HMOX2: variants seen among roughly 807,000 people sequenced by gnomAD.
HMOX2 encodes the protein heme oxygenase 2.
In HMOX2, 30 loss-of-function variants were observed where a neutral mutation model predicts 33.7. That is an observed-to-expected ratio of 0.89 (90% CI 0.67 to 1.21). HMOX2 has a LOEUF of 1.21. HMOX2 is among the 50% of genes most tolerant of loss of function. The pLI is 0.00. For missense variants in HMOX2, 403 were observed against 399.1 expected (o/e 1.01, Z -0.08); for synonymous variants, 155 against 155.0 (o/e 1.00, Z 0.00).
intron 1 of HMOX2, among the ~76,000 whole-genome samples, chr16:4,485,068 C>T (rs970392885): frequency 1.5e-4 from 23 of 151,116 alleles, no homozygotes; most frequent in East Asian, 4.0e-4. Context: ...TGGGTTCAAG[C>T]GATTCTCTTG....
intron 1 of HMOX2, among the ~76,000 whole-genome samples, chr16:4,501,605 CT>C (rs1031665633): frequency 3.9e-5 from 6 of 151,914 alleles, no homozygotes; most frequent in African/African-American, 1.5e-4. Context: ...CATGTAGCTT[CT>C]TGTGGATATT....
Position 4,506,894 on chromosome 16 carries a change from G to A in HMOX2, c.87-1G>A. ...CACAAACACCTCCCATCTCTCCACA[G>A]AATGGCTGACCTCTCGGAGCTCCTG... On this transcript the variant is annotated splice_acceptor_variant, in intron 2 of 5. Transcript: ENST00000570646. LOFTEE classifies it high-confidence loss of function. 6.2e-7 allele frequency: 1 copy of A among 1,609,662 alleles called. No individual in the cohort carries two copies. The highest frequency in any genetic ancestry group is 8.5e-7 in the Non-Finnish European group (1 of 1,175,964).
intron 1 of HMOX2, among the ~76,000 whole-genome samples, chr16:4,493,688 T>C (rs887922139): frequency 1.3e-5 from 2 of 152,188 alleles, no homozygotes; most frequent in African/African-American, 2.4e-5. Flanking sequence ...GTTGGGTGCC[T>C]ACTATGGCTC....
At chr16:4,489,098 T>TAAAAAAAAAAC (rs2058245748) in intron 1 of HMOX2, among the ~76,000 whole-genome samples, 1 of 152,170 alleles carries the variant, frequency 6.6e-6, no homozygotes, top group Non-Finnish European at 1.5e-5. Flanking sequence ...ATGCTACCAA[T>TAAAAAAAAAAC]CAGGCTTTCA....
intron 1 of HMOX2, among the ~76,000 whole-genome samples, chr16:4,490,902 T>C (rs2058289233): frequency 6.6e-6 from 1 of 152,158 alleles, no homozygotes; most frequent in South Asian, 2.1e-4. Flanking sequence ...CTAGATTGTT[T>C]GTGGTGGTGG....
At chr16:4,508,322 C>T (rs533743252) in intron 4 of HMOX2, 118 bp downstream of exon 4, 379 of 1,236,562 alleles carry the variant, frequency 3.1e-4, no homozygotes, top group Non-Finnish European at 2.9e-4. Context: ...TGCAGGGTGC[C>T]GAGAGGAAGG....
intron 1 of HMOX2, among the ~76,000 whole-genome samples, chr16:4,480,070 C>T (rs758480938): frequency 5.4e-5 from 8 of 147,698 alleles, no homozygotes; most frequent in Admixed American, 4.1e-4. Flanking sequence ...TTTTTTGAAA[C>T]AGAGTCTGGC....
At position 4,509,519 on chromosome 16, in the gene HMOX2, C is replaced by A. The variant is rs142512604; in HGVS notation, c.804C>A (p.Tyr268Ter). 12 of 1,614,016 alleles carry A rather than the reference C, an allele frequency of 7.4e-6. 1 individual carries two copies. Among genetic ancestry groups the A allele is most frequent in the Middle Eastern group, 1.6e-4 (1 of 6,084 alleles). The change falls in exon 5 of 6, where the codon TAC becomes TAA. Residue 268 changes from tyrosine (Y) to a stop codon, truncating the protein, a stop_gained. Transcript: ENST00000570646. LOFTEE classifies it high-confidence loss of function. ...GKGDMRKCPFYAAEQDKGALE... is the reference protein window; with the variant it reads ...GKGDMRKCPF ...GAGACATGCGTAAATGCCCTTTCTA[C>A]GCTGCTGAACAAGACAAAGGTAGGT...
intron 1 of HMOX2, among the ~76,000 whole-genome samples, chr16:4,497,477 C>T (rs1006086655): frequency 6.6e-6 from 1 of 152,176 alleles, no homozygotes; most frequent in Non-Finnish European, 1.5e-5. Context: ...ACATTGTCCT[C>T]ATATAAAGCG....
chr16:4,482,283 A>G lies in HMOX2; in HGVS notation c.-42+5796A>G, dbSNP rs74738279. ...GAAAAATATGCTGTTCTGAGAAACT[A>G]GCTGCTGTAGGTTATGCTTTTCTGT... is the stretch of plus-strand genomic sequence containing the variant. On this transcript the variant is annotated intron_variant, in intron 1 of 5. Transcript: ENST00000570646. 1.0e-2 allele frequency among the ~76,000 whole-genome samples: 1,518 copies of G among 152,282 alleles called. 25 individuals carry two copies. Among genetic ancestry groups the G allele is most frequent in the African/African-American group, 0.035 (1,458 of 41,546 alleles).
intron 1 of HMOX2, among the ~76,000 whole-genome samples, chr16:4,477,679 G>A (rs1187963851): frequency 2.0e-5 from 3 of 151,878 alleles, no homozygotes; most frequent in African/African-American, 7.3e-5. Context: ...AGCACTTTGG[G>A]AGGCCGAGGC....
intron 1 of HMOX2, among the ~76,000 whole-genome samples, chr16:4,487,521 T>C (rs554033958): frequency 1.4e-5 from 2 of 146,176 alleles, no homozygotes; most frequent in East Asian, 2.0e-4. Context: ...AAATATAAAA[T>C]TGCTGGGCGC....
intron 1 of HMOX2, among the ~76,000 whole-genome samples, chr16:4,482,864 GT>G (rs1204747981): frequency 1.3e-5 from 2 of 151,964 alleles, no homozygotes; most frequent in African/African-American, 2.4e-5. Flanking sequence ...CCCATTTCTA[GT>G]AAAAATACAA....
At chr16:4,500,401 G>A (rs1376561419) in intron 1 of HMOX2, among the ~76,000 whole-genome samples, 2 of 152,088 alleles carry the variant, frequency 1.3e-5, no homozygotes, top group Non-Finnish European at 2.9e-5. Context: ...TTCATGTTGT[G>A]GGCATCTCAT....
intron 1 of HMOX2, among the ~76,000 whole-genome samples, chr16:4,494,034 C>T (rs962852500): frequency 1.3e-5 from 2 of 151,980 alleles, no homozygotes; most frequent in African/African-American, 4.8e-5. Context: ...ACATGGCTGT[C>T]GGGCCGGCAC....
chr16:4,476,635 G>C (rs1217602299), intron 1 of HMOX2, 148 bp downstream of exon 1: 6 of 152,396 alleles, frequency 3.9e-5, no homozygotes, highest in Non-Finnish European at 5.9e-5. Flanking sequence ...CGGTCTGAGG[G>C]GAGACCCGGC....
intron 2 of HMOX2, among the ~76,000 whole-genome samples, chr16:4,505,969 C>T (rs2058681585): frequency 6.6e-6 from 1 of 152,198 alleles, no homozygotes; most frequent in Admixed American, 6.5e-5. Context: ...TAAAAGACTG[C>T]AGGGCAGCCT....
chr16:4,484,519 G>T, intron 1 of HMOX2, among the ~76,000 whole-genome samples: 1 of 146,698 alleles, frequency 6.8e-6, no homozygotes. Flanking sequence ...GGAGTGCAGT[G>T]GTACGATTTC....
chr16:4,479,464 C>T (rs948599824), intron 1 of HMOX2: 1 of 152,108 alleles, frequency 6.6e-6, no homozygotes, highest in Non-Finnish European at 1.5e-5. Context: ...AATAGAATAC[C>T]TGGGGAAAGG....
Sources: gnomAD v4.1 joint callset for allele counts (sites outside exome capture counted in the v4.1 genomes callset) on GRCh38, gnomAD v4.1.1 for gene constraint, MANE v1.5 for transcripts, NCBI Gene and HGNC (gene_info 2026-07-23, HGNC 2026-07-21) for gene names.